The following FGFR3 variants were observed in gnomAD, a reference collection of about 807,000 sequenced individuals.
FGFR3 encodes the protein fibroblast growth factor receptor 3.
FGFR3 carries 25 observed loss-of-function variants against 82.9 expected under a neutral mutation model. That is an observed-to-expected ratio of 0.30 (90% CI 0.22 to 0.42). The LOEUF (loss-of-function observed/expected upper bound fraction) is 0.42. FGFR3 is among the 10% of genes least tolerant of loss of function. The pLI is 1.00. For missense variants in FGFR3, 1,026 were observed against 1,161.0 expected, an observed-to-expected ratio of 0.88 and a Z score of 1.69; for synonymous variants, 620 against 516.0, an observed-to-expected ratio of 1.20 and a Z score of -2.73.
chr4:1,804,579 C>G, intron 9 of FGFR3, 59 bp downstream of exon 9: 1 of 1,595,576 alleles, frequency 6.3e-7, no homozygotes, highest in East Asian at 2.2e-5. Context: ...CCTGGAGCCC[C>G]ACCTCGGCCC....
chr4:1,796,685 A>C (rs1376188888), intron 2 of FGFR3, among the ~76,000 whole-genome samples: 1 of 151,964 alleles, frequency 6.6e-6, no homozygotes, highest in Non-Finnish European at 1.5e-5. Context: ...CACTGCAGAG[A>C]CCCAGAGCCT....
rs3135898 is a variant in FGFR3 at position 1,806,195 on chromosome 4, G to A, written c.1959+22G>A. Reference sequence around the variant, plus strand: ...CAACGTGAGCCCGGCCCTGGGGTGCGGGGGTGGGGGTCATGCCAGTAGGAC... The same window carrying A: ...CAACGTGAGCCCGGCCCTGGGGTGCAGGGGTGGGGGTCATGCCAGTAGGAC... On this transcript the variant is annotated intron_variant, in intron 14 of 17. Transcript: ENST00000440486. 0.02 allele frequency: 31,728 copies of A among 1,611,346 alleles called. 571 individuals are homozygous for A. Among genetic ancestry groups the A allele is most frequent in the Admixed American group, 0.084 (5,047 of 59,856 alleles).
Position 1,802,953 on chromosome 4 carries a change from C to T in FGFR3, c.931-739C>T, listed in dbSNP as rs1395484832. ...GAGTGTGGAGGCCGACGTGCGCCTC[C>T]GCCTGGCCAATGTGTCGGAGCGGGA... On this transcript the variant is annotated intron_variant, in intron 7 of 17. Transcript: ENST00000440486. The T allele has an allele frequency of 1.5e-5, 24 of 1,602,708 alleles. No homozygotes were observed. In the Middle Eastern group the frequency reaches 5.0e-4, roughly 33 times the overall value.
rs1284349000 is a variant in FGFR3, at chr4:1,804,345, T to A, written c.1091T>A (p.Val364Glu). The change falls in exon 9 of 18, where the codon GTG (valine) becomes GAG (glutamate). Residue 364 changes from valine to glutamate, a missense_variant. This residue lies in a region of FGFR3 where 256 missense variants were observed against 217.6 expected (regional missense o/e 1.18). Transcript: ENST00000440486. ...LVVLPAEEEL[V>E]EADEAGSVYA... ...GTCTTTGCAGCCGAGGAGGAGCTGG[T>A]GGAGGCTGACGAGGCGGGCAGTGTG... The A allele has an allele frequency of 2.5e-6, 4 of 1,607,762 alleles. No individual in the cohort carries two copies. Among genetic ancestry groups the A allele is most frequent in the African/African-American group, 1.3e-5 (1 of 74,482 alleles).
chr4:1,801,175 G>A (rs549259186), intron 4 of FGFR3, among the ~76,000 whole-genome samples, 192 bp from the exon 5 acceptor site: 36 of 152,324 alleles, frequency 2.4e-4, no homozygotes, highest in South Asian at 1.9e-3. Flanking sequence ...GGGGACACAC[G>A]GCCCAGCTCT....
chr4:1,805,287 G>T (rs1156322692), intron 10 of FGFR3, 68 bp from the exon 11 acceptor site: 31 of 1,598,126 alleles, frequency 1.9e-5, no homozygotes, highest in Non-Finnish European at 2.6e-5. Context: ...CCAGGCTGGG[G>T]TGGGGACCGT....
In FGFR3 at chr4:1,804,317, C is replaced by G. The variant is rs114754024; in HGVS notation, c.1076-13C>G. On this transcript the variant is annotated splice_polypyrimidine_tract_variant and intron_variant, in intron 8 of 17. Transcript: ENST00000440486. ...GGGGGCCAGGCCAGGCCTCAACGCC[C>G]ATGTCTTTGCAGCCGAGGAGGAGCT... The G allele has an allele frequency of 6.3e-7, 1 of 1,594,488 alleles. No individual in the cohort carries two copies. The highest frequency in any genetic ancestry group is 8.5e-7 in the Non-Finnish European group (1 of 1,172,036).
Position 1,793,856 on chromosome 4 carries a change from C to A in FGFR3, c.-79C>A. 2.7e-6 allele frequency: 1 copy of A among 377,012 alleles called. No homozygotes were observed. The highest frequency in any genetic ancestry group is 1.0e-4 in the South Asian group (1 of 9,660). 23.4% of individuals were successfully genotyped at this position (377,012 alleles called of 1,614,324 possible). A position where few individuals can be genotyped will look rare whatever the true frequency, so the allele number is the denominator to read the frequency against. ...AGTCTCCCGAGCGGCGCCCGCCTCC[C>A]GCCGGTGCCCGCGCCGGGCCGTGGG... On this transcript the variant is annotated 5_prime_UTR_variant, in exon 2 of 18. Transcript: ENST00000440486.
chr4:1,801,617 C>T lies in FGFR3; in HGVS notation c.616-3C>T, dbSNP rs543806505. 1.9e-6 allele frequency: 3 copies of T among 1,608,344 alleles called. No homozygotes were observed. The highest frequency in any genetic ancestry group is 2.7e-5 in the African/African-American group (2 of 74,998). Reference sequence around the variant, plus strand: ...TCACTCACCCGCCCGCGTCCCGGTGCAGCTGCGGCATCAGCAGTGGAGCCT... The same window carrying T: ...TCACTCACCCGCCCGCGTCCCGGTGTAGCTGCGGCATCAGCAGTGGAGCCT... On this transcript the variant is annotated splice_region_variant and splice_polypyrimidine_tract_variant and intron_variant, in intron 5 of 17. Transcript: ENST00000440486.
rs3135895 is a variant in FGFR3, at chr4:1,805,545, C to G, written c.1535-14C>G. The G allele has an allele frequency of 2.5e-6, 4 of 1,612,886 alleles. No homozygotes were observed. Among genetic ancestry groups the G allele is most frequent in the South Asian group, 2.2e-5 (2 of 91,084 alleles). On this transcript the variant is annotated splice_polypyrimidine_tract_variant and intron_variant, in intron 11 of 17. Transcript: ENST00000440486. ...CCGCCGCCGCCTGACACAGGCCCCC[C>G]GCTCCGTGCACAGACGATGCCACTG...
rs554790290 is a variant in FGFR3, at chr4:1,799,493, G to A, written c.349G>A (p.Val117Ile). 40 of 1,567,608 alleles carry A rather than the reference G, an allele frequency of 2.6e-5. No individual in the cohort carries two copies. The highest frequency in any genetic ancestry group is 1.4e-4 in the East Asian group (6 of 41,964). Residue 117 changes from valine (V) to isoleucine (I), a missense_variant, in exon 3 of 18, where the codon GTA becomes ATA. Physicochemically the swap from Val to Ile is conservative, Grantham distance 29. Transcript: ENST00000440486. ...CTGCCGGCAGCGGCTCACGCAGCGCGTACTGTGCCACTTCAGTGTGCGGGT... is the reference window on the plus strand; with the variant it reads ...CTGCCGGCAGCGGCTCACGCAGCGCATACTGTGCCACTTCAGTGTGCGGGT... ...YSCRQRLTQRVLCHFSVRVTD... is the reference protein window; with the variant it reads ...YSCRQRLTQRILCHFSVRVTD...
chr4:1,806,015 G>C (rs1721866678), intron 13 of FGFR3, 36 bp from the exon 14 acceptor site: 1 of 1,612,696 alleles, frequency 6.2e-7, no homozygotes, highest in Middle Eastern at 1.6e-4. Context: ...GGGAGAGGTG[G>C]AGAGGCTTCA....
chr4:1,805,140 C>T (rs1721721806), intron 10 of FGFR3, among the ~76,000 whole-genome samples, 171 bp downstream of exon 10: 1 of 152,218 alleles, frequency 6.6e-6, no homozygotes, highest in African/African-American at 2.4e-5. Context: ...GCAGGGACTG[C>T]CCCTCTCAAG....
At chr4:1,802,869 G>A (rs1721366445) in intron 7 of FGFR3, 2 of 1,550,992 alleles carry the variant, frequency 1.3e-6, no homozygotes, top group Non-Finnish European at 1.7e-6. Context: ...TGCCCGGCGG[G>A]GCTGCCTCGG....
At chr4:1,795,060 C>T (rs1720316052) in intron 2 of FGFR3, among the ~76,000 whole-genome samples, 1 of 151,900 alleles carries the variant, frequency 6.6e-6, no homozygotes, top group Non-Finnish European at 1.5e-5. Flanking sequence ...GTCCGCCCCG[C>T]CCGCGCCCCC....
Position 1,794,053 on chromosome 4 carries a change from G to C in FGFR3, c.109+10G>C. ...GTGGGGCGAGCGGCAGGTAAGAAGG[G>C]ACCCACTAGGCACGGGAGAGGCCGG... is the stretch of plus-strand genomic sequence containing the variant. On this transcript the variant is annotated intron_variant, in intron 2 of 17. Transcript: ENST00000440486. 2 of 1,376,384 alleles carry C rather than the reference G, an allele frequency of 1.5e-6. No homozygotes were observed. 85.3% of individuals were successfully genotyped at this position (1,376,384 alleles called of 1,614,324 possible). A position where few individuals can be genotyped will look rare whatever the true frequency, so the allele number is the denominator to read the frequency against.
chr4:1,799,456 CG>C lies in FGFR3; in HGVS notation c.316del (p.Ala106ProfsTer20). ...TGCTGAATGCCTCCCACGAGGACTC[CG>C]GGGCCTACAGCTGCCGGCAGCGGCT... Reference protein sequence around the residue: ...QVLNASHEDSGAYSCRQRLTQ... With the variant: ...QVLNASHEDSXAYSCRQRLTQ... On this transcript the variant is annotated frameshift_variant, in exon 3 of 18. Transcript: ENST00000440486. LOFTEE classifies it high-confidence loss of function. 1 of 1,603,352 alleles carries C rather than the reference CG, an allele frequency of 6.2e-7. No individual in the cohort carries two copies.
Position 1,805,600 on chromosome 4 carries a change from A to G in FGFR3, c.1576A>G (p.Met526Val), listed in dbSNP as rs766053734. 6.2e-6 allele frequency: 10 copies of G among 1,613,178 alleles called. No homozygotes were observed. In the Admixed American group the frequency reaches 1.0e-4, roughly 16 times the overall value. The change falls in exon 12 of 18, where the codon ATG becomes GTG. Residue 526 changes from methionine to valine, a missense_variant. Physicochemically the swap from Met to Val is conservative, Grantham distance 21. Transcript: ENST00000440486. ...GGACCTGTCGGACCTGGTGTCTGAG[A>G]TGGAGATGATGAAGATGATCGGGAA... ...DKDLSDLVSE[M>V]EMMKMIGKHK...
chr4:1,803,167 C>T (rs1721415763), intron 7 of FGFR3: 3 of 1,305,042 alleles, frequency 2.3e-6, no homozygotes, highest in South Asian at 3.6e-5. Context: ...CGCTCCCGCC[C>T]CGGCTCGCGC....
Sources: gnomAD v4.1 joint callset for allele counts (sites outside exome capture counted in the v4.1 genomes callset) on GRCh38, gnomAD v4.1.1 for gene constraint, gnomAD v4.1.1 regional missense constraint, MANE v1.5 for transcripts, NCBI Gene and HGNC (gene_info 2026-07-23, HGNC 2026-07-21) for gene names.